KATNA1: variants seen among roughly 807,000 people sequenced by gnomAD.
KATNA1 encodes the protein katanin p60 ATPase-containing subunit A1.
A neutral mutation model predicts 62.6 loss-of-function variants in KATNA1; 42 were observed. The observed-to-expected ratio is 0.67, with a 90% CI of 0.52 to 0.87. KATNA1 has a LOEUF of 0.87. KATNA1 is among the 40% of genes least tolerant of loss of function. The probability of loss-of-function intolerance (pLI) is 0.00; values close to 1 mark genes in which losing one functional copy is unlikely to be tolerated. For missense variants in KATNA1, 498 were observed against 612.5 expected (o/e 0.81, Z 1.97); for synonymous variants, 186 against 201.9 (o/e 0.92, Z 0.67).
intron 5 of KATNA1, 52 bp downstream of exon 5, chr6:149,604,609 C>A: frequency 1.2e-6 from 2 of 1,600,210 alleles, no homozygotes; most frequent in East Asian, 2.2e-5. Flanking sequence ...CTCCATTTTC[C>A]ATTCCGAATA....
At chr6:149,614,154 T>A (rs932961677) in intron 4 of KATNA1, among the ~76,000 whole-genome samples, 3 of 152,214 alleles carry the variant, frequency 2.0e-5, no homozygotes, top group African/African-American at 7.2e-5. Context: ...AGTAGGCAAC[T>A]GTACACGTGC....
intron 4 of KATNA1, among the ~76,000 whole-genome samples, chr6:149,607,233 C>T (rs1315177937): frequency 3.9e-5 from 6 of 152,178 alleles, no homozygotes; most frequent in African/African-American, 1.4e-4. Flanking sequence ...CCAAAGAAAG[C>T]TGTGGAACTT....
intron 5 of KATNA1, among the ~76,000 whole-genome samples, chr6:149,604,183 T>A (rs1471338719): frequency 6.6e-6 from 1 of 152,156 alleles, no homozygotes; most frequent in Non-Finnish European, 1.5e-5. Context: ...ATACAAATCA[T>A]TGCCTTGGCC....
At chr6:149,624,389 C>T (rs1174920592) in intron 3 of KATNA1, among the ~76,000 whole-genome samples, 2 of 151,910 alleles carry the variant, frequency 1.3e-5, no homozygotes, top group Non-Finnish European at 2.9e-5. Flanking sequence ...ACATACATCA[C>T]CTCATTTCAC....
intron 4 of KATNA1, among the ~76,000 whole-genome samples, chr6:149,617,049 A>C (rs1416141730): frequency 6.6e-6 from 1 of 152,248 alleles, no homozygotes; most frequent in Non-Finnish European, 1.5e-5. Context: ...AAAACAAGTA[A>C]GTCACAAAAG....
At chr6:149,597,923 T>G (rs943265696) in intron 8 of KATNA1, 11 of 470,852 alleles carry the variant, frequency 2.3e-5, no homozygotes, top group Non-Finnish European at 4.1e-5. Flanking sequence ...ACATAAACTC[T>G]AAGGCCAATT....
intron 4 of KATNA1, among the ~76,000 whole-genome samples, chr6:149,609,809 A>T (rs1778878116): frequency 6.8e-6 from 1 of 146,548 alleles, no homozygotes; most frequent in South Asian, 2.2e-4. Context: ...TCTCAAAAAA[A>T]AAAAAAATAG....
At position 149,595,125 on chromosome 6, in the gene KATNA1, C is replaced by T. The variant is rs142811934; in HGVS notation, c.1387G>A (p.Glu463Lys). The T allele has an allele frequency of 2.0e-5, 32 of 1,614,030 alleles. No individual in the cohort carries two copies. The highest frequency in any genetic ancestry group is 2.5e-5 in the Non-Finnish European group (30 of 1,179,986). The change falls in exon 11 of 11, where the codon GAG becomes AAG. Residue 463 changes from glutamate to lysine, a missense_variant. Physicochemically the swap from Glu to Lys is moderately conservative, Grantham distance 56. Around this residue, in one of 3 missense-constraint regions of KATNA1, gnomAD observed 267 missense variants for 372.6 expected, o/e 0.72. Transcript: ENST00000367411. ...TTAGAAACCTTTTTTAAAGCCATCTCGAAATCCTCCATAGTTGTAGGCATG... is the reference window on the plus strand; with the variant it reads ...TTAGAAACCTTTTTTAAAGCCATCTTGAAATCCTCCATAGTTGTAGGCATG... ...MHMPTTMEDF[E>K]MALKKVSKSV...
At chr6:149,626,577 C>G (rs796355588) in intron 3 of KATNA1, among the ~76,000 whole-genome samples, 1 of 150,236 alleles carries the variant, frequency 6.7e-6, no homozygotes, top group Admixed American at 6.6e-5. Flanking sequence ...CCACCGCGCC[C>G]GGCCAACATT....
Position 149,623,278 on chromosome 6 carries a change from G to A in KATNA1, c.326C>T (p.Ser109Leu). 1 of 1,594,938 alleles carries A rather than the reference G, an allele frequency of 6.3e-7. No homozygotes were observed. The highest frequency in any genetic ancestry group is 1.8e-5 in the Admixed American group (1 of 54,060). ...AGATTGGCGTTTTCTAGGTCCTGGTGAGGGTCTAATCAAACAAAAACTCAT... is the reference window on the plus strand; with the variant it reads ...AGATTGGCGTTTTCTAGGTCCTGGTAAGGGTCTAATCAAACAAAAACTCAT... ...SMPVPVERRP[S>L]PGPRKRQSSQ... Residue 109 changes from serine (S) to leucine (L), a missense_variant, in exon 4 of 11, where the codon TCA (serine) becomes TTA (leucine). Physicochemically the swap from Ser to Leu is moderately radical, Grantham distance 145. Coordinates refer to ENST00000367411, the MANE Select transcript of KATNA1 (RefSeq NM_007044.4).
At chr6:149,598,963 C>T (rs1386374694) in intron 7 of KATNA1, among the ~76,000 whole-genome samples, 39 of 152,018 alleles carry the variant, frequency 2.6e-4, no homozygotes, top group Admixed American at 2.6e-3. Context: ...CTCCTGGGCT[C>T]AAGCAATCCT....
intron 1 of KATNA1, among the ~76,000 whole-genome samples, chr6:149,641,512 G>A (rs1047862455): frequency 6.6e-6 from 1 of 151,960 alleles, no homozygotes; most frequent in African/African-American, 2.4e-5. Flanking sequence ...CTTCTAAACA[G>A]AAATAATTCC....
In KATNA1 at chr6:149,599,186, T is replaced by G. The variant is rs553986897; in HGVS notation, c.889-836A>C. 3.0e-4 allele frequency among the ~76,000 whole-genome samples: 45 copies of G among 152,036 alleles called. 1 individual carries two copies. The highest frequency in any genetic ancestry group is 2.5e-3 in the Admixed American group (38 of 15,250). On this transcript the variant is annotated intron_variant, in intron 7 of 10. Coordinates refer to ENST00000367411, the MANE Select transcript of KATNA1 (RefSeq NM_007044.4). ...GGGATAATTTCATCTTTAAAGAGAG[T>G]CAATACTTGGGTCTTTATGTATAAA...
intron 1 of KATNA1, among the ~76,000 whole-genome samples, chr6:149,640,505 T>A (rs1780237188): frequency 6.6e-6 from 1 of 151,918 alleles, no homozygotes; most frequent in African/African-American, 2.4e-5. Context: ...CAGGCCCAGA[T>A]GATTTCTGTA....
At chr6:149,621,150 G>T (rs1779377374) in intron 4 of KATNA1, among the ~76,000 whole-genome samples, 1 of 146,272 alleles carries the variant, frequency 6.8e-6, no homozygotes, top group Admixed American at 6.9e-5. Context: ...TTGAGATGGA[G>T]TCTCACTCAG....
intron 4 of KATNA1, among the ~76,000 whole-genome samples, chr6:149,613,604 T>C (rs1779051100): frequency 6.6e-6 from 1 of 152,160 alleles, no homozygotes; most frequent in African/African-American, 2.4e-5. Context: ...CAAGAATCTG[T>C]ATTTCCACCT....
rs143152460 is a variant in KATNA1 at position 149,637,125 on chromosome 6, T to C, written c.162+1261A>G. Reference sequence around the variant, plus strand: ...TCATAAAGTTCTATTATACAAGGAATATGAGGCCAGGCATGGTGGCTCACA... The same window carrying C: ...TCATAAAGTTCTATTATACAAGGAACATGAGGCCAGGCATGGTGGCTCACA... On this transcript the variant is annotated intron_variant, in intron 2 of 10. Coordinates refer to ENST00000367411, the MANE Select transcript of KATNA1 (RefSeq NM_007044.4). Among the ~76,000 whole-genome samples the C allele has an allele frequency of 5.7e-4, 86 of 152,070 alleles. No individual in the cohort carries two copies. The East Asian group carries it at 0.015, about 27-fold the overall frequency.
chr6:149,636,239 A>C (rs1780061064), intron 2 of KATNA1, among the ~76,000 whole-genome samples: 1 of 152,088 alleles, frequency 6.6e-6, no homozygotes, highest in Admixed American at 6.6e-5. Context: ...AAGATCTAAA[A>C]AGTCCTTCAC....
intron 4 of KATNA1, among the ~76,000 whole-genome samples, chr6:149,607,358 A>G (rs376313830): frequency 1.6e-4 from 24 of 152,190 alleles, no homozygotes; most frequent in African/African-American, 5.8e-4. Flanking sequence ...GCTCATGCCT[A>G]TAATTCTAGC....
Sources: allele counts gnomAD v4.1 joint callset (sites outside exome capture counted in the v4.1 genomes callset), GRCh38; gene constraint gnomAD v4.1.1; regional missense constraint gnomAD v4.1.1; transcripts MANE v1.5; gene names NCBI Gene and HGNC (gene_info 2026-07-23, HGNC 2026-07-21).